The following USP28 variants were observed in gnomAD, a reference collection of about 807,000 sequenced individuals.
USP28 encodes ubiquitin carboxyl-terminal hydrolase 28.
A neutral mutation model predicts 145.0 loss-of-function variants in USP28; 113 were observed. The ratio of observed to expected loss-of-function variants is 0.78; its 90% confidence interval spans 0.67 to 0.91. USP28 has a LOEUF of 0.91. USP28 is among the 40% of genes least tolerant of loss of function. USP28 has a pLI of 0.00. For synonymous variants in USP28, 447 were observed against 450.9 expected, an observed-to-expected ratio of 0.99 and a Z score of 0.11; for missense variants, 1,201 against 1,289.6, an observed-to-expected ratio of 0.93 and a Z score of 1.05.
chr11:113,811,106 T>A (rs1940912446), intron 16 of USP28, among the ~76,000 whole-genome samples: 1 of 152,198 alleles, frequency 6.6e-6, no homozygotes, highest in Non-Finnish European at 1.5e-5. Flanking sequence ...ATAATGTAAA[T>A]TGAAAACACC....
intron 1 of USP28, among the ~76,000 whole-genome samples, chr11:113,872,368 T>G (rs570088345): frequency 2.0e-5 from 3 of 151,930 alleles, no homozygotes; most frequent in South Asian, 2.1e-4. Context: ...GCACCTGTAG[T>G]CCCAGCTACT....
chr11:113,833,620 G>A (rs1208325311), intron 6 of USP28, 63 bp from the exon 7 acceptor site: 1 of 1,529,494 alleles, frequency 6.5e-7, no homozygotes, highest in South Asian at 1.2e-5. Flanking sequence ...AACGTGTAAA[G>A]AAAAAAAAGT....
chr11:113,812,419 C>A, exon 16 of USP28: 2 of 1,614,066 alleles, frequency 1.2e-6, no homozygotes, highest in Non-Finnish European at 1.7e-6. Flanking sequence ...CCAGCTCTGT[C>A]GGGGTTGATT....
At chr11:113,847,309 TACATTTATAGGAAAG>T (rs1387607869) in intron 3 of USP28, among the ~76,000 whole-genome samples, 1 of 152,068 alleles carries the variant, frequency 6.6e-6, no homozygotes, top group Non-Finnish European at 1.5e-5. Flanking sequence ...GATAAGCATC[TACATTTATAGGAAAG>T]ACAGGAGACA....
At chr11:113,856,725 A>G (rs1947089647) in intron 1 of USP28, among the ~76,000 whole-genome samples, 1 of 152,084 alleles carries the variant, frequency 6.6e-6, no homozygotes, top group Non-Finnish European at 1.5e-5. Context: ...TTATTTATTT[A>G]TTTCTGAGAC....
At chr11:113,843,671 C>CAAAA (rs573054023) in intron 3 of USP28, among the ~76,000 whole-genome samples, 1 of 61,922 alleles carries the variant, frequency 1.6e-5, no homozygotes, top group African/African-American at 5.8e-5. Flanking sequence ...AACTCTATCT[C>CAAAA]AAAAAAAAAA....
chr11:113,808,080 C>G (rs1177088723), intron 18 of USP28: 2 of 1,422,072 alleles, frequency 1.4e-6, no homozygotes, highest in Non-Finnish European at 1.8e-6. Context: ...GCTGTTCTGA[C>G]TGCTCTGCAA....
chr11:113,830,575 G>A (rs1401320384), intron 9 of USP28, among the ~76,000 whole-genome samples: 1 of 152,148 alleles, frequency 6.6e-6, no homozygotes, highest in Non-Finnish European at 1.5e-5. Context: ...AAGCAACACA[G>A]AGAAAACCGA....
chr11:113,808,592 C>T (rs1324033525), intron 17 of USP28, among the ~76,000 whole-genome samples, 155 bp from the exon 18 acceptor site: 1 of 152,190 alleles, frequency 6.6e-6, no homozygotes, highest in South Asian at 2.1e-4. Context: ...AAATTAATAA[C>T]TATAAGAAAT....
intron 13 of USP28, among the ~76,000 whole-genome samples, chr11:113,815,680 C>G (rs187889176): frequency 3.3e-5 from 5 of 152,268 alleles, no homozygotes; most frequent in Non-Finnish European, 2.9e-5. Context: ...AAAGCCAGAT[C>G]GGCCAGTCTT....
chr11:113,874,970 C>G (rs1949226120), intron 1 of USP28: 5 of 963,520 alleles, frequency 5.2e-6, no homozygotes, highest in Non-Finnish European at 6.2e-6. Context: ...AACTGGGACC[C>G]CTGGTCTTAT....
At chr11:113,845,197 G>A (rs912793891) in intron 3 of USP28, among the ~76,000 whole-genome samples, 8 of 151,120 alleles carry the variant, frequency 5.3e-5, no homozygotes, top group Non-Finnish European at 1.2e-4. Context: ...CCAGCACTCA[G>A]GGAGGCCAAG....
At chr11:113,874,141 GAA>G (rs552125095) in intron 1 of USP28, among the ~76,000 whole-genome samples, 8 of 83,406 alleles carry the variant, frequency 9.6e-5, no homozygotes, top group Admixed American at 3.0e-4. Flanking sequence ...ACTCCGTCTG[GAA>G]AAAAAAAAAA....
intron 24 of USP28, among the ~76,000 whole-genome samples, chr11:113,800,945 T>C (rs1298403285): frequency 2.0e-5 from 3 of 150,922 alleles, no homozygotes; most frequent in African/African-American, 4.9e-5. Context: ...CAGGTTCAAG[T>C]GATTCTCCTG....
At chr11:113,812,149 A>C in intron 16 of USP28, 127 bp downstream of exon 16, 1 of 637,308 alleles carries the variant, frequency 1.6e-6, no homozygotes, top group Non-Finnish European at 2.5e-6. Context: ...TATACTGTCT[A>C]TATTTTTTAA....
intron 1 of USP28, among the ~76,000 whole-genome samples, chr11:113,863,922 G>C (rs2136936832): frequency 6.7e-6 from 1 of 149,834 alleles, no homozygotes; most frequent in East Asian, 2.0e-4. Flanking sequence ...TCCAGCCTGG[G>C]CGACACAGCG....
At chr11:113,839,418 C>G (rs1944941905) in intron 5 of USP28, among the ~76,000 whole-genome samples, 1 of 152,058 alleles carries the variant, frequency 6.6e-6, no homozygotes, top group Non-Finnish European at 1.5e-5. Context: ...AACCTCATCT[C>G]TACTAAAAAT....
chr11:113,846,616 T>A (rs1035470507), intron 3 of USP28, among the ~76,000 whole-genome samples: 6 of 152,256 alleles, frequency 3.9e-5, no homozygotes, highest in African/African-American at 1.4e-4. Flanking sequence ...GGATAAAGTA[T>A]TTAAAAATCG....
chr11:113,826,198 G>A (rs572161826), intron 11 of USP28, among the ~76,000 whole-genome samples: 6 of 148,758 alleles, frequency 4.0e-5, no homozygotes, highest in South Asian at 2.1e-4. Flanking sequence ...CAGGAGAATC[G>A]CTTGAACCCG....
Sources: gnomAD v4.1 joint callset for allele counts (sites outside exome capture counted in the v4.1 genomes callset) on GRCh38, gnomAD v4.1.1 for gene constraint, MANE v1.5 for transcripts, NCBI Gene and HGNC (gene_info 2026-07-23, HGNC 2026-07-21) for gene names.